CST9: variants seen among roughly 807,000 people sequenced by gnomAD.
The protein encoded by CST9 is cystatin 9, also known as cystatin-9.
A neutral mutation model predicts 7.7 loss-of-function variants in CST9; 11 were observed. The ratio of observed to expected loss-of-function variants is 1.44; its 90% CI spans 0.90 to 2.38. The LOEUF is 2.38. Among genes scored for constraint, CST9 ranks in the 30% most tolerant of loss-of-function variants. The pLI, the probability that CST9 is intolerant of heterozygous loss-of-function variation, is 0.00. For synonymous variants in CST9, 71 were observed against 74.3 expected, an observed-to-expected ratio of 0.96 and a Z score of 0.23; for missense variants, 214 against 199.1, an observed-to-expected ratio of 1.07 and a Z score of -0.45.
Position 23,605,760 on chromosome 20 carries a change from C to T in CST9, c.105G>A (p.Met35Ile). 1.9e-6 allele frequency: 3 copies of T among 1,614,246 alleles called. No individual in the cohort carries two copies. Among genetic ancestry groups the T allele is most frequent in the East Asian group, 2.2e-5 (1 of 44,886 alleles). The change falls in exon 1 of 2, where the codon ATG becomes ATA. Residue 35 changes from methionine to isoleucine, a missense_variant. Physicochemically the swap from Met to Ile is conservative, Grantham distance 10 (BLOSUM62 1). Coordinates refer to ENST00000376971, the MANE Select transcript of CST9 (RefSeq NM_001008693.3). ...VTYAWCSEEE[M>I]GGNNKIVQDP... Reference sequence around the variant, plus strand: ...CCTGGACTATTTTATTATTACCACCCATTTCCTCTTCAGAACACCAGGCAT... The same window carrying T: ...CCTGGACTATTTTATTATTACCACCTATTTCCTCTTCAGAACACCAGGCAT...
In CST9 at chr20:23,605,529, A is replaced by C. The variant is rs1335302554; in HGVS notation, c.255+81T>G. ...ACTATGGACTGCTGATGGTGAACCA[A>C]GTCTCCTAGACTAGACATCTTGGTC... On this transcript the variant is annotated intron_variant, in intron 1 of 1. Transcript: ENST00000376971. 12 of 1,487,644 alleles carry C rather than the reference A, an allele frequency of 8.1e-6. No homozygotes were observed. The Admixed American group carries it at 1.9e-4, about 24-fold the overall frequency. 92.2% of individuals were successfully genotyped at this position (1,487,644 alleles called of 1,614,324 possible). A position where few individuals can be genotyped will look rare whatever the true frequency, so the allele number is the denominator to read the frequency against.
At chr20:23,605,146 G>A (rs1978725276) in intron 1 of CST9, among the ~76,000 whole-genome samples, 1 of 151,792 alleles carries the variant, frequency 6.6e-6, no homozygotes, top group Non-Finnish European at 1.5e-5. Context: ...TATTGCCCTC[G>A]AATTCTCACT....
Position 23,605,744 on chromosome 20 carries a change from T to C in CST9, c.121A>G (p.Ile41Val). ...SEEEMGGNNK[I>V]VQDPMFLATV... ...GCGAGGAACATAGGATCCTGGACTA[T>C]TTTATTATTACCACCCATTTCCTCT... The change falls in exon 1 of 2, where the codon ATA (isoleucine) becomes GTA (valine). Residue 41 changes from isoleucine (I) to valine (V), a missense_variant. Coordinates refer to ENST00000376971, the MANE Select transcript of CST9 (RefSeq NM_001008693.3). 1 of 1,614,186 alleles carries C rather than the reference T, an allele frequency of 6.2e-7. No individual in the cohort carries two copies. Among genetic ancestry groups the C allele is most frequent in the South Asian group, 1.1e-5 (1 of 91,084 alleles).
At chr20:23,604,897 A>T (rs1003230076) in intron 1 of CST9, among the ~76,000 whole-genome samples, 3 of 152,184 alleles carry the variant, frequency 2.0e-5, no homozygotes, top group African/African-American at 7.2e-5. Context: ...TCTAAACCAG[A>T]AGTTCTCCAC....
rs891988114 is a variant in CST9, at chr20:23,603,116, T to C, written c.*394A>G. The stretch of plus-strand genomic sequence containing the variant: ...GGGGGTTGACTAAGAATGGGAAGTT[T>C]TCCCAGAGCCAGGCTTTGCTTGGAG... On this transcript the variant is annotated 3_prime_UTR_variant, in exon 2 of 2. Transcript: ENST00000376971. 2 of 1,044,890 alleles carry C rather than the reference T, an allele frequency of 1.9e-6. No individual in the cohort carries two copies. Among genetic ancestry groups the C allele is most frequent in the Admixed American group, 5.0e-5 (1 of 20,054 alleles). The allele number at this position is 1,044,890 out of a possible 1,614,324, so 64.7% of individuals were successfully genotyped here.
In CST9 at chr20:23,603,594, C is replaced by A; in HGVS notation, c.396G>T (p.Gln132His). 1 of 1,614,200 alleles carries A rather than the reference C, an allele frequency of 6.2e-7. No individual in the cohort carries two copies. The highest frequency in any genetic ancestry group is 1.1e-5 in the South Asian group (1 of 91,084). Reference sequence around the variant, plus strand: ...CCATGCAGCATCCACAGCTGTGGACCTGAGGAAAGCTGATGCCCTGTCTTA... The same window carrying A: ...CCATGCAGCATCCACAGCTGTGGACATGAGGAAAGCTGATGCCCTGTCTTA... ...NNVRQGISFPQVHSCGCCMGC... is the reference protein window; with the variant it reads ...NNVRQGISFPHVHSCGCCMGC... Residue 132 changes from glutamine to histidine, a missense_variant, in exon 2 of 2, where the codon CAG becomes CAT. Transcript: ENST00000376971.
In CST9 at chr20:23,603,659, C is replaced by CCTTTCA; in HGVS notation, c.330_331insTGAAAG (p.Ile110_Asp111insTer). On this transcript the variant is annotated stop_gained and inframe_insertion, in exon 2 of 2. Transcript: ENST00000376971. LOFTEE classifies it low-confidence loss of function (END_TRUNC). Reference sequence around the variant, plus strand: ...AGGCTTTCTTGAAAAGGGCAGTTGTCAATGTCATCTTCAAATTTCCTACAT... The same window carrying CCTTTCA: ...AGGCTTTCTTGAAAAGGGCAGTTGTCCTTTCAAATGTCATCTTCAAATTTCCTACAT... The CCTTTCA allele has an allele frequency of 1.2e-6, 2 of 1,614,246 alleles. No individual in the cohort carries two copies. The highest frequency in any genetic ancestry group is 1.7e-6 in the Non-Finnish European group (2 of 1,180,048).
chr20:23,605,210 GTCTGTCTCTC>G (rs1397031445), intron 1 of CST9, among the ~76,000 whole-genome samples: 3 of 151,190 alleles, frequency 2.0e-5, no homozygotes, highest in Non-Finnish European at 2.9e-5. Context: ...CTCTCTGTCT[GTCTGTCTCTC>G]TCTGTCTCTC....
intron 1 of CST9, among the ~76,000 whole-genome samples, chr20:23,605,323 C>T (rs1222940708): frequency 1.3e-5 from 2 of 152,012 alleles, no homozygotes; most frequent in Admixed American, 6.6e-5. Flanking sequence ...CTCTTCTTGT[C>T]AGCTTCATCT....
At chr20:23,603,836 T>C in intron 1 of CST9, 102 bp from the exon 2 acceptor site, 5 of 1,218,756 alleles carry the variant, frequency 4.1e-6, no homozygotes, top group Non-Finnish European at 5.9e-6. Flanking sequence ...AACACTTTAC[T>C]GCATTTGAGA....
chr20:23,603,485 C>A lies in CST9; in HGVS notation c.*25G>T. On this transcript the variant is annotated 3_prime_UTR_variant, in exon 2 of 2. Coordinates refer to ENST00000376971, the MANE Select transcript of CST9 (RefSeq NM_001008693.3). ...GCTTCCCACTAAGGCACAAGCAGGG[C>A]AGCCTGGTACAGCCTGCTGTGGGCT... The A allele has an allele frequency of 6.2e-7, 1 of 1,611,756 alleles. No homozygotes were observed. The highest frequency in any genetic ancestry group is 8.5e-7 in the Non-Finnish European group (1 of 1,178,724).
Position 23,603,596 on chromosome 20 carries a change from G to C in CST9, c.394C>G (p.Gln132Glu). Residue 132 changes from glutamine (Q) to glutamate (E), a missense_variant, in exon 2 of 2, where the codon CAG becomes GAG. Gln to Glu is a conservative substitution (Grantham distance 29). Coordinates refer to ENST00000376971, the MANE Select transcript of CST9 (RefSeq NM_001008693.3). Reference protein sequence around the residue: ...NNVRQGISFPQVHSCGCCMGC... With the variant: ...NNVRQGISFPEVHSCGCCMGC... The stretch of plus-strand genomic sequence containing the variant: ...ATGCAGCATCCACAGCTGTGGACCT[G>C]AGGAAAGCTGATGCCCTGTCTTACG... 1.2e-6 allele frequency: 2 copies of C among 1,614,220 alleles called. No individual in the cohort carries two copies. Among genetic ancestry groups the C allele is most frequent in the East Asian group, 2.2e-5 (1 of 44,874 alleles).
chr20:23,602,956 C>T lies in CST9; in HGVS notation c.*554G>A. 1.0e-6 allele frequency: 1 copy of T among 989,768 alleles called. No individual in the cohort carries two copies. The highest frequency in any genetic ancestry group is 1.2e-6 in the Non-Finnish European group (1 of 833,018). 61.3% of individuals were successfully genotyped at this position (989,768 alleles called of 1,614,324 possible). On this transcript the variant is annotated 3_prime_UTR_variant, in exon 2 of 2. Transcript: ENST00000376971. ...CTTGTGCCATGCCTCCTCCTCCAGC[C>T]CGTGCCCCTCAGGGGAACCCCAGGC...
intron 1 of CST9, 59 bp downstream of exon 1, chr20:23,605,551 G>A (rs886871814): frequency 5.1e-6 from 8 of 1,571,712 alleles, no homozygotes; most frequent in African/African-American, 1.3e-5. Flanking sequence ...TAGACATCTT[G>A]GTCCCTCACT....
At position 23,605,889 on chromosome 20, in the gene CST9, C is replaced by T. The variant is rs368835290; in HGVS notation, c.-25G>A. The T allele has an allele frequency of 1.4e-4, 228 of 1,612,182 alleles. No homozygotes were observed. Among genetic ancestry groups the T allele is most frequent in the Non-Finnish European group, 1.8e-4 (210 of 1,179,238 alleles). On this transcript the variant is annotated 5_prime_UTR_variant, in exon 1 of 2. Coordinates refer to ENST00000376971, the MANE Select transcript of CST9 (RefSeq NM_001008693.3). ...TGATGCAGGCTCCAGCAGCCCTTGC[C>T]TTTGCCCTTCAGATCCCTGGCGTCC...
intron 1 of CST9, among the ~76,000 whole-genome samples, chr20:23,604,016 C>A (rs554498388): frequency 6.6e-6 from 1 of 152,204 alleles, no homozygotes; most frequent in Admixed American, 6.5e-5. Flanking sequence ...CCATTTCCCA[C>A]GGTGAGACTC....
rs775248126 is a variant in CST9, at chr20:23,603,565, C to T, written c.425G>A (p.Cys142Tyr). The T allele has an allele frequency of 1.2e-6, 2 of 1,614,230 alleles. No homozygotes were observed. The highest frequency in any genetic ancestry group is 1.7e-5 in the Admixed American group (1 of 60,034). Reference sequence around the variant, plus strand: ...GTCAGCTGCTCCTGTGCCCACACCACACCCCATGCAGCATCCACAGCTGTG... The same window carrying T: ...GTCAGCTGCTCCTGTGCCCACACCATACCCCATGCAGCATCCACAGCTGTG... Reference protein sequence around the residue: ...QVHSCGCCMGCGVGTGAADKA... With the variant: ...QVHSCGCCMGYGVGTGAADKA... Residue 142 changes from cysteine to tyrosine, a missense_variant, in exon 2 of 2, where the codon TGT becomes TAT. By Grantham distance (194) the Cys-to-Tyr change is radical (BLOSUM62 -2). Coordinates refer to ENST00000376971, the MANE Select transcript of CST9 (RefSeq NM_001008693.3).
rs182021537 is a variant in CST9 at position 23,603,092 on chromosome 20, G to A, written c.*418C>T. The A allele has an allele frequency of 9.7e-6, 10 of 1,034,778 alleles. No homozygotes were observed. Among genetic ancestry groups the A allele is most frequent in the Non-Finnish European group, 1.2e-5 (10 of 861,310 alleles). 64.1% of individuals were successfully genotyped at this position (1,034,778 alleles called of 1,614,324 possible). ...ACCTATTTGTTAATCTTACAATAAG[G>A]GGGTTGACTAAGAATGGGAAGTTTT... is the stretch of plus-strand genomic sequence containing the variant. On this transcript the variant is annotated 3_prime_UTR_variant, in exon 2 of 2. Transcript: ENST00000376971.
intron 1 of CST9, 44 bp from the exon 2 acceptor site, chr20:23,603,778 C>T (rs767887446): frequency 6.3e-7 from 1 of 1,588,690 alleles, no homozygotes; most frequent in Non-Finnish European, 8.6e-7. Flanking sequence ...CGTCTTCCTG[C>T]CCCTAAGTAG....
Sources: gnomAD v4.1 joint callset for allele counts (sites outside exome capture counted in the v4.1 genomes callset) on GRCh38, gnomAD v4.1.1 for gene constraint, MANE v1.5 for transcripts, NCBI Gene and HGNC (gene_info 2026-07-23, HGNC 2026-07-21) for gene names.